The following CACNA1C variants were observed in gnomAD, a reference collection of about 807,000 sequenced individuals.
The protein encoded by CACNA1C is calcium voltage-gated channel subunit alpha1 C.
CACNA1C carries 30 observed loss-of-function variants against 229.0 expected under a neutral mutation model. The observed-to-expected ratio is 0.13, with a 90% CI of 0.10 to 0.18. The LOEUF is 0.18. Ranked by LOEUF, CACNA1C falls within the 10% of genes least tolerant of loss-of-function variation. The pLI is 1.00. For synonymous variants in CACNA1C, 1,114 were observed against 1,132.5 expected (o/e 0.98, Z 0.33); for missense variants, 1,658 against 2,845.0 (o/e 0.58, Z 9.49).
chr12:2,502,766 G>C (rs2154576674), intron 7 of CACNA1C, among the ~76,000 whole-genome samples: 1 of 152,304 alleles, frequency 6.6e-6, no homozygotes, highest in African/African-American at 2.4e-5. Flanking sequence ...AGCGTACTTA[G>C]ACAAATGCAT....
intron 3 of CACNA1C, among the ~76,000 whole-genome samples, chr12:2,394,814 C>T (rs956677599): frequency 1.3e-5 from 2 of 152,084 alleles, no homozygotes; most frequent in East Asian, 3.9e-4. Flanking sequence ...CAGTGAGTCT[C>T]GGGTAAGAAA....
chr12:2,458,503 C>T (rs116187042), intron 5 of CACNA1C, among the ~76,000 whole-genome samples: 310 of 152,308 alleles, frequency 2.0e-3, no homozygotes, highest in African/African-American at 7.3e-3. Flanking sequence ...CTACTCTTCC[C>T]TCTTCAGTTT....
intron 3 of CACNA1C, among the ~76,000 whole-genome samples, chr12:2,400,246 C>T (rs2098658343): frequency 6.6e-6 from 1 of 152,176 alleles, no homozygotes; most frequent in Non-Finnish European, 1.5e-5. Context: ...CTGTGGAGCT[C>T]TAGAAACCAG....
intron 5 of CACNA1C, among the ~76,000 whole-genome samples, chr12:2,471,093 A>G (rs943011414): frequency 6.6e-6 from 1 of 152,176 alleles, no homozygotes. Context: ...CGGCCTTCCA[A>G]AATGCTAGGA....
chr12:1,985,876 T>C (rs1183581597), intron 1 of CACNA1C, among the ~76,000 whole-genome samples: 1 of 152,162 alleles, frequency 6.6e-6, no homozygotes, highest in Non-Finnish European at 1.5e-5. Flanking sequence ...AGTGGTGCGA[T>C]CTTGGCTCAC....
At chr12:2,296,618 C>G (rs779863251) in intron 3 of CACNA1C, among the ~76,000 whole-genome samples, 5 of 152,070 alleles carry the variant, frequency 3.3e-5, no homozygotes, top group African/African-American at 4.8e-5. Context: ...CCCCAGCCTT[C>G]TGCCTTAGGC....
intron 18 of CACNA1C, among the ~76,000 whole-genome samples, chr12:2,590,105 T>A (rs1417122207): frequency 1.3e-5 from 2 of 152,294 alleles, no homozygotes; most frequent in East Asian, 1.9e-4. Context: ...ACAAGAACCA[T>A]GGCTTTGTCT....
rs58519250 is a variant in CACNA1C, at chr12:2,195,014, G to C, written c.477+74584G>C. On this transcript the variant is annotated intron_variant, in intron 3 of 46. Coordinates refer to ENST00000399655, the MANE Select transcript of CACNA1C (RefSeq NM_000719.7). Reference sequence around the variant, plus strand: ...TAGAAAGTTTCAAGCTACTAAAATAGGGAATGTATTCTAATGTTGTCTTGA... The same window carrying C: ...TAGAAAGTTTCAAGCTACTAAAATACGGAATGTATTCTAATGTTGTCTTGA... Among the ~76,000 whole-genome samples, 1,249 of 152,340 alleles carry C rather than the reference G, an allele frequency of 8.2e-3. 12 individuals carry two copies. The highest frequency in any genetic ancestry group is 0.028 in the African/African-American group (1,167 of 41,580).
intron 3 of CACNA1C, among the ~76,000 whole-genome samples, chr12:2,139,008 T>A (rs1353405290): frequency 1.3e-5 from 2 of 150,580 alleles, no homozygotes; most frequent in Non-Finnish European, 3.0e-5. Flanking sequence ...CTCATCTGCG[T>A]CTCTCAGTGT....
chr12:2,353,305 G>A (rs2097260347), intron 3 of CACNA1C, among the ~76,000 whole-genome samples: 1 of 152,208 alleles, frequency 6.6e-6, no homozygotes, highest in South Asian at 2.1e-4. Flanking sequence ...ACACAGCAGA[G>A]TGAGCCCCCC....
intron 4 of CACNA1C, among the ~76,000 whole-genome samples, chr12:2,454,450 A>G (rs148017339): frequency 3.0e-4 from 45 of 152,094 alleles, no homozygotes; most frequent in African/African-American, 1.0e-3. Context: ...CGCACTCTTC[A>G]TCCCTGCCAC....
chr12:2,641,637 G>T, intron 30 of CACNA1C: 1 of 675,616 alleles, frequency 1.5e-6, no homozygotes, highest in South Asian at 1.6e-5. Context: ...AAAATGAAGT[G>T]ATTCCAGCAC....
At position 2,487,913 on chromosome 12, in the gene CACNA1C, T is replaced by TAA. The variant is rs372572127; in HGVS notation, c.916+1655_916+1656dup. ...TGTGAGAGCTCATTTTAAGACTCCT[T>TAA]AAAAACTGACTGTGGTATGTCTGAA... On this transcript the variant is annotated intron_variant, in intron 6 of 46. Transcript: ENST00000399655. Among the ~76,000 whole-genome samples, 900 of 152,298 alleles carry TAA rather than the reference T, an allele frequency of 5.9e-3. 11 individuals carry two copies. The highest frequency in any genetic ancestry group is 0.02 in the African/African-American group (852 of 41,570).
At chr12:2,128,062 A>G (rs1243028980) in intron 3 of CACNA1C, among the ~76,000 whole-genome samples, 1 of 152,204 alleles carries the variant, frequency 6.6e-6, no homozygotes, top group African/African-American at 2.4e-5. Context: ...AAGGCTCTCC[A>G]TAAATATCTG....
At chr12:2,474,537 T>C (rs1385613817) in intron 5 of CACNA1C, among the ~76,000 whole-genome samples, 3 of 151,776 alleles carry the variant, frequency 2.0e-5, no homozygotes, top group Non-Finnish European at 2.9e-5. Flanking sequence ...GGCAGATCAC[T>C]TGAGGCCAGG....
chr12:2,173,736 G>A (rs2096564211), intron 3 of CACNA1C, among the ~76,000 whole-genome samples: 2 of 152,018 alleles, frequency 1.3e-5, no homozygotes, highest in Admixed American at 6.6e-5. Context: ...ACCACCACTA[G>A]GCTTGCTCCT....
intron 3 of CACNA1C, among the ~76,000 whole-genome samples, chr12:2,441,113 G>A (rs2099220847): frequency 6.6e-6 from 1 of 152,224 alleles, no homozygotes; most frequent in Non-Finnish European, 1.5e-5. Flanking sequence ...CTTGTACTGA[G>A]ATGGAATTGC....
intron 3 of CACNA1C, among the ~76,000 whole-genome samples, chr12:2,157,936 T>TC (rs1261444220): frequency 1.3e-5 from 2 of 152,072 alleles, no homozygotes; most frequent in Non-Finnish European, 1.5e-5. Flanking sequence ...ACATTGATAA[T>TC]TAAGAAATGT....
chr12:2,032,425 G>C (rs2048389981), intron 1 of CACNA1C, among the ~76,000 whole-genome samples: 3 of 152,148 alleles, frequency 2.0e-5, no homozygotes, highest in Admixed American at 2.0e-4. Flanking sequence ...GGACTCTGTT[G>C]CTCTTGAAAA....
Sources: allele counts gnomAD v4.1 joint callset (sites outside exome capture counted in the v4.1 genomes callset), GRCh38; gene constraint gnomAD v4.1.1; transcripts MANE v1.5; gene names NCBI Gene and HGNC (gene_info 2026-07-23, HGNC 2026-07-21).